The following STIL variants were observed in gnomAD, a reference collection of about 807,000 sequenced individuals.
The protein encoded by STIL is SCL-interrupting locus protein.
A neutral mutation model predicts 110.1 loss-of-function variants in STIL; 55 were observed. The ratio of observed to expected loss-of-function variants is 0.50; its 90% CI spans 0.40 to 0.63. The LOEUF (loss-of-function observed/expected upper bound fraction) is 0.63, where lower values mean the gene tolerates loss of function less well. Ranked by LOEUF, STIL falls within the 20% of genes least tolerant of loss-of-function variation. The pLI is 0.00. For synonymous variants in STIL, 481 were observed against 530.0 expected (o/e 0.91, Z 1.27); for missense variants, 1,358 against 1,530.0 (o/e 0.89, Z 1.87).
At chr1:47,293,415 G>A in intron 8 of STIL, 43 bp downstream of exon 8, 1 of 1,501,872 alleles carries the variant, frequency 6.7e-7, no homozygotes, top group East Asian at 2.3e-5. Context: ...ATGAATGGGG[G>A]AAAGGATCGA....
chr1:47,283,126 G>C (rs1645197319), intron 10 of STIL: 1 of 152,142 alleles, frequency 6.6e-6, no homozygotes, highest in African/African-American at 2.4e-5. Flanking sequence ...TTAGGGAAAA[G>C]AAAAGCCAGA....
rs371840112 is a variant in STIL, at chr1:47,264,729, C to T, written c.2616-1613G>A. Reference sequence around the variant, plus strand: ...CAGAGCACGAATCAGACCAAAAGTGCGAGAAGGATCCCAGAGAAGCACCAA... The same window carrying T: ...CAGAGCACGAATCAGACCAAAAGTGTGAGAAGGATCCCAGAGAAGCACCAA... On this transcript the variant is annotated intron_variant, in intron 14 of 16. Coordinates refer to ENST00000371877, the MANE Select transcript of STIL (RefSeq NM_001048166.1). Among the ~76,000 whole-genome samples the T allele has an allele frequency of 1.4e-4, 21 of 152,120 alleles. No individual in the cohort carries two copies. In the South Asian group the frequency reaches 3.1e-3, roughly 23 times the overall value.
chr1:47,291,663 G>C (rs534564040), intron 8 of STIL, among the ~76,000 whole-genome samples: 2 of 152,054 alleles, frequency 1.3e-5, no homozygotes, highest in African/African-American at 4.8e-5. Flanking sequence ...CCTCCTGGGT[G>C]CAAGTGATTC....
chr1:47,295,143 G>A (rs141353421), intron 7 of STIL, among the ~76,000 whole-genome samples: 1 of 150,770 alleles, frequency 6.6e-6, no homozygotes, highest in African/African-American at 2.5e-5. Flanking sequence ...GGCTGGCCTT[G>A]AACTCCTGAC....
chr1:47,274,135 AT>A (rs1644918840), intron 12 of STIL, among the ~76,000 whole-genome samples: 1 of 152,220 alleles, frequency 6.6e-6, no homozygotes, highest in Non-Finnish European at 1.5e-5. Context: ...AAATCTACAT[AT>A]AATACTGATC....
At chr1:47,313,549 C>A (rs1476332097) in intron 1 of STIL, among the ~76,000 whole-genome samples, 2 of 151,758 alleles carry the variant, frequency 1.3e-5, no homozygotes, top group Non-Finnish European at 2.9e-5. Flanking sequence ...CCCCGCCATC[C>A]CTCACAATCC....
At chr1:47,304,858 G>C in intron 3 of STIL, 31 bp downstream of exon 3, 1 of 1,458,298 alleles carries the variant, frequency 6.9e-7, no homozygotes, top group Non-Finnish European at 9.6e-7. Context: ...GTTTATACTG[G>C]CTTGATTTGA....
intron 2 of STIL, 173 bp from the exon 3 acceptor site, chr1:47,305,169 A>G (rs1194994706): frequency 7.3e-5 from 41 of 562,882 alleles, no homozygotes; most frequent in Middle Eastern, 9.7e-4. Flanking sequence ...TCCATCACCC[A>G]GGCTGGAGTG....
intron 10 of STIL, chr1:47,283,691 T>C (rs965445463): frequency 6.6e-6 from 1 of 152,152 alleles, no homozygotes; most frequent in Non-Finnish European, 1.5e-5. Context: ...AAAGAAACCT[T>C]GAATTAGGTG....
chr1:47,275,929 G>T lies in STIL; in HGVS notation c.2218-3688C>A, dbSNP rs376190725. Among the ~76,000 whole-genome samples the T allele has an allele frequency of 1.1e-4, 17 of 151,712 alleles. No individual in the cohort carries two copies. In the East Asian group the frequency reaches 3.1e-3, roughly 28 times the overall value. On this transcript the variant is annotated intron_variant, in intron 12 of 16. Transcript: ENST00000371877. Reference sequence around the variant, plus strand: ...GGCATGAGCCAGTGGGCCCAGCCAAGAATAAATTTTTTATAATCTTGAAAG... The same window carrying T: ...GGCATGAGCCAGTGGGCCCAGCCAATAATAAATTTTTTATAATCTTGAAAG...
At chr1:47,266,045 G>A (rs967400094) in intron 14 of STIL, among the ~76,000 whole-genome samples, 1 of 152,042 alleles carries the variant, frequency 6.6e-6, no homozygotes, top group Non-Finnish European at 1.5e-5. Flanking sequence ...TAAGATTACA[G>A]GCATGAGCCA....
At position 47,295,826 on chromosome 1, in the gene STIL, G is replaced by A. The variant is rs147744459; in HGVS notation, c.724C>T (p.Arg242Cys). ...GATTCCAACAAAAGTAACAATTTGC[G>A]TGTTTCATCCATGGTAAGATATCTA... ...KYGYLTMDETRKLLLLLESDP... is the reference protein window; with the variant it reads ...KYGYLTMDETCKLLLLLESDP... Residue 242 changes from arginine (R) to cysteine (C), a missense_variant, in exon 7 of 17, where the codon CGC (arginine) becomes TGC (cysteine). Arg to Cys is a radical substitution (Grantham distance 180, BLOSUM62 -3). Transcript: ENST00000371877. 2.4e-5 allele frequency: 38 copies of A among 1,612,354 alleles called. No individual in the cohort carries two copies. The highest frequency in any genetic ancestry group is 3.1e-5 in the Non-Finnish European group (36 of 1,178,898).
intron 14 of STIL, among the ~76,000 whole-genome samples, chr1:47,268,154 T>G (rs959802585): frequency 6.6e-6 from 1 of 152,198 alleles, no homozygotes; most frequent in East Asian, 1.9e-4. Context: ...CGGAGAATCT[T>G]TAGAAATCTC....
rs946133724 is a variant in STIL at position 47,290,780 on chromosome 1, G to A, written c.873-1195C>T. Among the ~76,000 whole-genome samples the A allele has an allele frequency of 2.6e-5, 4 of 152,068 alleles. No homozygotes were observed. In the South Asian group the frequency reaches 8.3e-4, roughly 32 times the overall value. Reference sequence around the variant, plus strand: ...CATGACTAGGCAGTTCCTGGAAGATGAGGTTATAAATCATTGGAAAAGTTT... The same window carrying A: ...CATGACTAGGCAGTTCCTGGAAGATAAGGTTATAAATCATTGGAAAAGTTT... On this transcript the variant is annotated intron_variant, in intron 8 of 16. Transcript: ENST00000371877.
At position 47,251,454 on chromosome 1, in the gene STIL, G is replaced by A; in HGVS notation, c.3549C>T (p.Asn1183=). ...CTGCGTTGGTCCCCACAGATTCACA[G>A]TTAGAACAATTAATTATTTCATGGT... is the stretch of plus-strand genomic sequence containing the variant. ...KNDHEIINCS[N]CESVGTNADT... The change falls in exon 17 of 17, where the codon AAC becomes AAT. Residue 1183 remains asparagine, a synonymous_variant. Transcript: ENST00000371877. The A allele has an allele frequency of 6.2e-7, 1 of 1,614,156 alleles. No individual in the cohort carries two copies. Among genetic ancestry groups the A allele is most frequent in the South Asian group, 1.1e-5 (1 of 91,076 alleles).
intron 9 of STIL, 49 bp from the exon 10 acceptor site, chr1:47,287,709 C>G: frequency 7.2e-7 from 1 of 1,395,414 alleles, no homozygotes. Flanking sequence ...ATAAGAACAC[C>G]AGAGAATTCT....
chr1:47,259,221 C>T (rs1291592693), intron 16 of STIL, among the ~76,000 whole-genome samples: 1 of 149,218 alleles, frequency 6.7e-6, no homozygotes. Flanking sequence ...CTCCTGACCT[C>T]GTGATCCGCC....
At chr1:47,281,302 T>G in intron 11 of STIL, 93 bp from the exon 12 acceptor site, 1 of 1,230,454 alleles carries the variant, frequency 8.1e-7, no homozygotes, top group Non-Finnish European at 1.1e-6. Context: ...AAATTATATC[T>G]AATTACATAT....
intron 13 of STIL, among the ~76,000 whole-genome samples, chr1:47,270,249 T>TACACACAC (rs1277764959): frequency 1.2e-3 from 90 of 75,232 alleles, no homozygotes; most frequent in African/African-American, 1.5e-3. Context: ...AAAATATATA[T>TACACACAC]ATATATACAC....
Sources: allele counts gnomAD v4.1 joint callset (sites outside exome capture counted in the v4.1 genomes callset), GRCh38; gene constraint gnomAD v4.1.1; transcripts MANE v1.5; gene names NCBI Gene and HGNC (gene_info 2026-07-23, HGNC 2026-07-21).